The following SNPH variants were observed in gnomAD, a reference collection of about 807,000 sequenced individuals.
The protein encoded by SNPH is syntaphilin.
SNPH carries 10 observed loss-of-function variants against 36.8 expected under a neutral mutation model. The observed-to-expected ratio is 0.27, with a 90% CI of 0.17 to 0.46. The LOEUF is 0.46. Among genes scored for constraint, SNPH ranks in the 20% least tolerant of loss-of-function variants. SNPH has a pLI of 1.00. For missense variants in SNPH, 622 were observed against 744.0 expected (o/e 0.84, Z 1.91); for synonymous variants, 281 against 312.2 (o/e 0.90, Z 1.05).
chr20:1,274,006 AAAAT>A (rs958423761), intron 2 of SNPH, among the ~76,000 whole-genome samples: 7 of 152,218 alleles, frequency 4.6e-5, no homozygotes, highest in African/African-American at 9.6e-5. Flanking sequence ...CGGTGAACAA[AAAAT>A]AAATAACTAC....
At position 1,307,665 on chromosome 20, in the gene SNPH, C is replaced by T. The variant is rs1247412583; in HGVS notation, c.*1611C>T. The T allele has an allele frequency of 2.0e-5, 3 of 152,620 alleles. No individual in the cohort carries two copies. The East Asian group carries it at 5.8e-4, about 29-fold the overall frequency. 9.5% of individuals were successfully genotyped at this position (152,620 alleles called of 1,614,324 possible). On this transcript the variant is annotated 3_prime_UTR_variant, in exon 7 of 7. Coordinates refer to ENST00000381867, the MANE Select transcript of SNPH (RefSeq NM_001318234.2). Reference sequence around the variant, plus strand: ...TGGGCTCTGCCCTTCTGCTCGGTGCCCTCCACGTGAGGCGGGGCACCTGCA... The same window carrying T: ...TGGGCTCTGCCCTTCTGCTCGGTGCTCTCCACGTGAGGCGGGGCACCTGCA...
intron 2 of SNPH, among the ~76,000 whole-genome samples, chr20:1,269,240 G>A (rs759551486): frequency 9.9e-5 from 15 of 152,162 alleles, no homozygotes; most frequent in Non-Finnish European, 1.9e-4. Flanking sequence ...TGATGGGACT[G>A]GACTAAGTGA....
chr20:1,298,555 A>G (rs944456541), intron 5 of SNPH, among the ~76,000 whole-genome samples: 1 of 152,226 alleles, frequency 6.6e-6, no homozygotes, highest in East Asian at 1.9e-4. Context: ...TGAAAACTAT[A>G]TAATTGGCAA....
rs118136463 is a variant in SNPH at position 1,271,814 on chromosome 20, A to G, written c.-493+5054A>G. On this transcript the variant is annotated intron_variant, in intron 2 of 6. Transcript: ENST00000381867. ...GATGCAGACATGGTTAGATGAAGTT[A>G]TGAGTTTTTGTTTTTTTGTTTTAAC... Among the ~76,000 whole-genome samples, 1,414 of 152,316 alleles carry G rather than the reference A, an allele frequency of 9.3e-3. 10 individuals carry two copies. Among genetic ancestry groups the G allele is most frequent in the Non-Finnish European group, 0.016 (1,111 of 68,020 alleles).
At chr20:1,272,603 G>A (rs1389619864) in intron 2 of SNPH, among the ~76,000 whole-genome samples, 3 of 151,872 alleles carry the variant, frequency 2.0e-5, no homozygotes, top group Admixed American at 1.3e-4. Flanking sequence ...ATTAAAATGT[G>A]TATGTGACCG....
intron 6 of SNPH, among the ~76,000 whole-genome samples, chr20:1,303,347 C>A (rs1436804490): frequency 6.6e-6 from 1 of 152,242 alleles, no homozygotes; most frequent in African/African-American, 2.4e-5. Context: ...AGCCATGGCT[C>A]CCTGGGGTTT....
At chr20:1,272,482 G>A (rs932319344) in intron 2 of SNPH, among the ~76,000 whole-genome samples, 1 of 152,188 alleles carries the variant, frequency 6.6e-6, no homozygotes, top group African/African-American at 2.4e-5. Flanking sequence ...AAGAACATGT[G>A]CCCAATGTTG....
At chr20:1,288,108 G>T (rs886984993) in intron 2 of SNPH, among the ~76,000 whole-genome samples, 13 of 152,230 alleles carry the variant, frequency 8.5e-5, no homozygotes, top group African/African-American at 3.1e-4. Flanking sequence ...CAGGTCACTT[G>T]GCCTAGCAGA....
intron 2 of SNPH, among the ~76,000 whole-genome samples, chr20:1,277,332 C>T (rs2088143713): frequency 6.6e-6 from 1 of 152,018 alleles, no homozygotes; most frequent in Non-Finnish European, 1.5e-5. Context: ...GACTAGAGGC[C>T]ATGTGGGAGT....
intron 2 of SNPH, among the ~76,000 whole-genome samples, chr20:1,284,695 G>A (rs2088263683): frequency 1.3e-5 from 2 of 152,088 alleles, no homozygotes; most frequent in African/African-American, 4.8e-5. Context: ...GGAACAGCAT[G>A]TGCAGAGGCC....
chr20:1,292,632 A>G (rs1489845734), intron 2 of SNPH, among the ~76,000 whole-genome samples: 1 of 152,128 alleles, frequency 6.6e-6, no homozygotes, highest in Non-Finnish European at 1.5e-5. Context: ...CCCCTTTCCT[A>G]TAAAGCACTT....
At chr20:1,287,022 C>A (rs1413229035) in intron 2 of SNPH, among the ~76,000 whole-genome samples, 1 of 152,192 alleles carries the variant, frequency 6.6e-6, no homozygotes, top group Non-Finnish European at 1.5e-5. Flanking sequence ...ACTTTGCCGA[C>A]TCCCAGTGGA....
At position 1,289,744 on chromosome 20, in the gene SNPH, G is replaced by A. The variant is rs6041153; in HGVS notation, c.-492-5207G>A. On this transcript the variant is annotated intron_variant, in intron 2 of 6. Transcript: ENST00000381867. ...CTGGAAAGGCTGAGGCAGAAGGATC[G>A]CATGAGCTCAGGAGTTTGAGGCTGC... Among the ~76,000 whole-genome samples, 904 of 151,864 alleles carry A rather than the reference G, an allele frequency of 6.0e-3. 11 individuals carry two copies. Among genetic ancestry groups the A allele is most frequent in the African/African-American group, 0.021 (851 of 41,394 alleles).
intron 2 of SNPH, among the ~76,000 whole-genome samples, chr20:1,281,697 G>A (rs1040773869): frequency 6.6e-6 from 1 of 152,232 alleles, no homozygotes. Context: ...ACCAGCTTCT[G>A]AGTTCTGCAG....
chr20:1,295,024 G>C (rs1390818035), intron 3 of SNPH, 46 bp downstream of exon 3: 1 of 152,738 alleles, frequency 6.5e-6, no homozygotes, highest in African/African-American at 2.4e-5. Flanking sequence ...GTGGGGCTCG[G>C]TGAATGCTTC....
rs1287465411 is a variant in SNPH, at chr20:1,276,923, A to G, written c.-493+10163A>G. On this transcript the variant is annotated intron_variant, in intron 2 of 6. Transcript: ENST00000381867. This position sits in a 1 kb window ranked among gnomAD's most constrained non-coding sequence, Gnocchi z 4.6. Reference sequence around the variant, plus strand: ...GACTTGACTCAGATCTCGTTGGTCAATTATTAGAAATCAGTTGGGGTTCGG... The same window carrying G: ...GACTTGACTCAGATCTCGTTGGTCAGTTATTAGAAATCAGTTGGGGTTCGG... Among the ~76,000 whole-genome samples the G allele has an allele frequency of 2.0e-5, 3 of 152,208 alleles. No individual in the cohort carries two copies.
chr20:1,299,722 A>T (rs1352951697), intron 5 of SNPH, among the ~76,000 whole-genome samples: 1 of 152,148 alleles, frequency 6.6e-6, no homozygotes, highest in African/African-American at 2.4e-5. Flanking sequence ...GTGCCCCCGG[A>T]GGTGAAAGTG....
chr20:1,288,339 G>A (rs2088308682), intron 2 of SNPH, among the ~76,000 whole-genome samples: 1 of 152,192 alleles, frequency 6.6e-6, no homozygotes. Context: ...CCAGGAAGGT[G>A]GCGCCTTCCT....
Position 1,286,896 on chromosome 20 carries a change from C to T in SNPH, c.-492-8055C>T, listed in dbSNP as rs533690261. Among the ~76,000 whole-genome samples, 62 of 152,246 alleles carry T rather than the reference C, an allele frequency of 4.1e-4. No individual in the cohort carries two copies. In the Middle Eastern group the frequency reaches 0.01, roughly 25 times the overall value. On this transcript the variant is annotated intron_variant, in intron 2 of 6. Transcript: ENST00000381867. Reference sequence around the variant, plus strand: ...GGCAGAGCAGATGACATCTCCACATCCCTTTAGTCCTTTGGTCTGTGTGTT... The same window carrying T: ...GGCAGAGCAGATGACATCTCCACATTCCTTTAGTCCTTTGGTCTGTGTGTT...
Sources: gnomAD v4.1 joint callset for allele counts (sites outside exome capture counted in the v4.1 genomes callset) on GRCh38, gnomAD v4.1.1 for gene constraint, Gnocchi (gnomAD v3.1) non-coding constraint, MANE v1.5 for transcripts, NCBI Gene and HGNC (gene_info 2026-07-23, HGNC 2026-07-21) for gene names.